Variants in TSC22D1 observed in about 807,000 individuals in gnomAD.
TSC22D1 encodes the protein TSC22 domain family protein 1.
In TSC22D1, 9 loss-of-function variants were observed where a neutral mutation model predicts 74.2. The ratio of observed to expected loss-of-function variants is 0.12; its 90% CI spans 0.07 to 0.21. TSC22D1 has a LOEUF of 0.21. Among genes scored for constraint, TSC22D1 ranks in the 10% least tolerant of loss-of-function variants. The pLI is 1.00. For missense variants in TSC22D1, 1,427 were observed against 1,304.7 expected (o/e 1.09, Z -1.44); for synonymous variants, 586 against 492.5 (o/e 1.19, Z -2.51).
At chr13:44,533,688 T>G (rs1436774011) in intron 1 of TSC22D1, among the ~76,000 whole-genome samples, 2 of 150,334 alleles carry the variant, frequency 1.3e-5, no homozygotes, top group Non-Finnish European at 3.0e-5. Context: ...GAGGCTGAGG[T>G]GGGAGAATCA....
intron 1 of TSC22D1, among the ~76,000 whole-genome samples, chr13:44,495,072 C>T (rs1595117047): frequency 1.3e-5 from 2 of 151,786 alleles, no homozygotes; most frequent in South Asian, 4.2e-4. Context: ...ACTAGAGGAG[C>T]AGAAAGAATG....
At chr13:44,475,786 T>A (rs557056532) in intron 1 of TSC22D1, among the ~76,000 whole-genome samples, 2 of 152,196 alleles carry the variant, frequency 1.3e-5, no homozygotes, top group African/African-American at 2.4e-5. Flanking sequence ...TAAATCAATA[T>A]AATAGTGAAA....
intron 1 of TSC22D1, among the ~76,000 whole-genome samples, chr13:44,468,026 G>A (rs1356960614): frequency 6.6e-6 from 1 of 151,338 alleles, no homozygotes; most frequent in African/African-American, 2.4e-5. Context: ...ACACACAATG[G>A]AATAAAAAGA....
chr13:44,513,529 A>C (rs1879835979), intron 1 of TSC22D1, among the ~76,000 whole-genome samples: 1 of 152,208 alleles, frequency 6.6e-6, no homozygotes, highest in African/African-American at 2.4e-5. Context: ...GAAAATGTGG[A>C]GATAACTAGA....
chr13:44,517,811 ATGTGTG>A (rs1160142015), intron 1 of TSC22D1, among the ~76,000 whole-genome samples: 990 of 55,080 alleles, frequency 0.018, 72 homozygotes, highest in South Asian at 0.082. Context: ...ACACATATAT[ATGTGTG>A]TGTGTGTGTG....
At chr13:44,486,465 C>G (rs1878431602) in intron 1 of TSC22D1, among the ~76,000 whole-genome samples, 1 of 152,084 alleles carries the variant, frequency 6.6e-6, no homozygotes, top group Non-Finnish European at 1.5e-5. Context: ...CTTACATGCA[C>G]TGAATATAGA....
At chr13:44,563,972 T>C (rs1883205886) in intron 1 of TSC22D1, among the ~76,000 whole-genome samples, 1 of 152,218 alleles carries the variant, frequency 6.6e-6, no homozygotes, top group African/African-American at 2.4e-5. Context: ...TATAATATTA[T>C]ACACTCCTTG....
intron 1 of TSC22D1, among the ~76,000 whole-genome samples, chr13:44,557,750 G>T (rs568085422): frequency 3.9e-5 from 6 of 152,202 alleles, no homozygotes; most frequent in Admixed American, 2.0e-4. Flanking sequence ...ATTTTAATTT[G>T]ATTGCATTAA....
intron 1 of TSC22D1, among the ~76,000 whole-genome samples, chr13:44,504,149 A>C (rs1412718279): frequency 3.3e-5 from 5 of 151,924 alleles, no homozygotes; most frequent in East Asian, 3.9e-4. Context: ...AAAAAAAAAA[A>C]AAAACTACTT....
rs140313692 is a variant in TSC22D1, at chr13:44,459,776, C to T, written c.2913-23681G>A. The stretch of plus-strand genomic sequence containing the variant: ...CCACTTACAGTATGCCTGGTCTAGC[C>T]GCAGCCTTGCACAGAGCCGGCGCCT... On this transcript the variant is annotated intron_variant, in intron 1 of 2. Transcript: ENST00000458659. Among the ~76,000 whole-genome samples, 152 of 152,312 alleles carry T rather than the reference C, an allele frequency of 1.0e-3. 2 individuals are homozygous for T. The South Asian group carries it at 0.015, about 15-fold the overall frequency.
At position 44,576,030 on chromosome 13, in the gene TSC22D1, T is replaced by TGCA. The variant is rs755201280; in HGVS notation, c.42_44dup (p.Ala15dup). On this transcript the variant is annotated inframe_insertion, in exon 1 of 3. Transcript: ENST00000458659. ...GCGCCATCTTCCTAGCGCTAATGTC[T>TGCA]GCAGCGGCGGCGGCCGCGGCGGTGG... is the stretch of plus-strand genomic sequence containing the variant. 1 of 1,581,788 alleles carries TGCA rather than the reference T, an allele frequency of 6.3e-7. No homozygotes were observed. The highest frequency in any genetic ancestry group is 8.6e-7 in the Non-Finnish European group (1 of 1,164,640).
intron 1 of TSC22D1, among the ~76,000 whole-genome samples, chr13:44,517,333 AACACACACACAC>A (rs3046042): frequency 6.7e-6 from 1 of 148,692 alleles, no homozygotes. Context: ...ACAAAAACAA[AACACACACACAC>A]ACACACACAC....
At chr13:44,516,944 C>T (rs1050956935) in intron 1 of TSC22D1, among the ~76,000 whole-genome samples, 5 of 152,160 alleles carry the variant, frequency 3.3e-5, no homozygotes, top group Admixed American at 6.5e-5. Flanking sequence ...TTAGTCACCC[C>T]GCCTTCTTCC....
rs569925286 is a variant in TSC22D1, at chr13:44,438,156, C to T, written c.2913-2061G>A. 4.6e-5 allele frequency among the ~76,000 whole-genome samples: 7 copies of T among 152,248 alleles called. No homozygotes were observed. In the East Asian group the frequency reaches 9.6e-4, roughly 21 times the overall value. On this transcript the variant is annotated intron_variant, in intron 1 of 2. Transcript: ENST00000458659. ...AAGTCAATACATGCGAGAAAGAAAA[C>T]TTAACCTCTACAATACTGCCCTCTA...
upstream of TSC22D1, chr13:44,576,436 T>G (rs554358750): frequency 1.3e-3 from 245 of 193,344 alleles, 1 homozygote; most frequent in Middle Eastern, 0.011. Context: ...AATGCCCACC[T>G]TCTCCGGCCA....
intron 1 of TSC22D1, among the ~76,000 whole-genome samples, chr13:44,446,801 A>AGGAGG (rs1555263840): frequency 1.7e-5 from 2 of 118,626 alleles, no homozygotes; most frequent in South Asian, 5.1e-4. Flanking sequence ...GAGGAGGAGG[A>AGGAGG]AAAGGAGGAG....
chr13:44,435,112 T>C, intron 2 of TSC22D1: 1 of 450,106 alleles, frequency 2.2e-6, no homozygotes, highest in East Asian at 4.0e-5. Flanking sequence ...CTGCAGACGT[T>C]GGCCAGAAAC....
intron 1 of TSC22D1, among the ~76,000 whole-genome samples, chr13:44,516,719 G>A (rs1223168046): frequency 6.6e-6 from 1 of 152,154 alleles, no homozygotes. Flanking sequence ...AAGAAATGAG[G>A]CTGAGGCACT....
intron 1 of TSC22D1, among the ~76,000 whole-genome samples, chr13:44,565,821 G>A (rs904341235): frequency 6.6e-6 from 1 of 152,140 alleles, no homozygotes; most frequent in Non-Finnish European, 1.5e-5. Flanking sequence ...GCCTCCCAAA[G>A]TGATGCGATT....
Sources: allele counts gnomAD v4.1 joint callset (sites outside exome capture counted in the v4.1 genomes callset), GRCh38; gene constraint gnomAD v4.1.1; transcripts MANE v1.5; gene names NCBI Gene and HGNC (gene_info 2026-07-23, HGNC 2026-07-21).